CELF2: variants seen among roughly 807,000 people sequenced by gnomAD.
The protein encoded by CELF2 is CUG triplet repeat RNA-binding protein 2.
CELF2 carries 8 observed loss-of-function variants against 62.6 expected under a neutral mutation model. The observed-to-expected ratio is 0.13, with a 90% CI of 0.07 to 0.23. The LOEUF (loss-of-function observed/expected upper bound fraction) is 0.23. Among genes scored for constraint, CELF2 ranks in the 10% least tolerant of loss-of-function variants. CELF2 has a pLI of 1.00. For missense variants in CELF2, 333 were observed against 671.0 expected, an observed-to-expected ratio of 0.50 and a Z score of 5.56; for synonymous variants, 258 against 250.0, an observed-to-expected ratio of 1.03 and a Z score of -0.30.
At position 10,939,770 on chromosome 10, in the gene CELF2, C is replaced by A. The variant is rs192808012; in HGVS notation, c.89+19771C>A. On this transcript the variant is annotated intron_variant, in intron 2 of 13. Transcript: ENST00000636488. ...GAGATCGAGACCATCCTGGCTAACA[C>A]GGTGAAACCCCATCTCTACTAAAAA... Among the ~76,000 whole-genome samples the A allele has an allele frequency of 1.0e-3, 151 of 151,642 alleles. 2 individuals are homozygous for A. In the East Asian group the frequency reaches 0.027, roughly 27 times the overall value.
the CELF2 span, among the ~76,000 whole-genome samples, chr10:10,758,688 T>C: frequency 1.1e-4 from 17 of 152,326 alleles, no homozygotes; most frequent in South Asian, 3.5e-3. Flanking sequence ...CTTGGTGCCT[T>C]AATGGAAAAA....
chr10:10,966,278 C>T (rs77627009), intron 2 of CELF2, among the ~76,000 whole-genome samples: 3,493 of 152,322 alleles, frequency 0.023, 128 homozygotes, highest in African/African-American at 0.079. Context: ...TAGCTAGTGA[C>T]TGGGGAGACT....
chr10:10,479,661 C>A, the CELF2 span, among the ~76,000 whole-genome samples: 2 of 152,104 alleles, frequency 1.3e-5, no homozygotes, highest in African/African-American at 2.4e-5. Context: ...AGCTCTGGAA[C>A]CACACAGACC....
At chr10:10,614,616 G>A in the CELF2 span, among the ~76,000 whole-genome samples, 1 of 152,138 alleles carries the variant, frequency 6.6e-6, no homozygotes, top group African/African-American at 2.4e-5. Flanking sequence ...TGATGGAGTT[G>A]CTTATTCGCA....
intron 1 of CELF2, among the ~76,000 whole-genome samples, chr10:11,031,158 A>C (rs943428273): frequency 1.3e-5 from 2 of 152,326 alleles, no homozygotes; most frequent in African/African-American, 4.8e-5. Flanking sequence ...AATGGTTCTC[A>C]GGTGGCATTT....
At chr10:11,126,913 A>G (rs1472355539) in intron 1 of CELF2, among the ~76,000 whole-genome samples, 3 of 148,986 alleles carry the variant, frequency 2.0e-5, no homozygotes, top group Non-Finnish European at 4.5e-5. Context: ...TTTTTTTTTA[A>G]TACTTTAAGT....
At chr10:11,068,513 C>A (rs1248709313) in intron 1 of CELF2, among the ~76,000 whole-genome samples, 1 of 151,814 alleles carries the variant, frequency 6.6e-6, no homozygotes, top group African/African-American at 2.4e-5. Context: ...TAAATTTAAT[C>A]TTTCATAGAG....
the CELF2 span, among the ~76,000 whole-genome samples, chr10:10,710,695 G>T: frequency 1.3e-5 from 2 of 152,000 alleles, no homozygotes; most frequent in Admixed American, 6.6e-5. Flanking sequence ...AGCAGTAAGG[G>T]TCCCATCTGC....
the CELF2 span, among the ~76,000 whole-genome samples, chr10:10,612,976 T>G: frequency 6.6e-6 from 1 of 152,160 alleles, no homozygotes; most frequent in Non-Finnish European, 1.5e-5. Flanking sequence ...TTCATCCAGT[T>G]AGCATGAAGT....
rs1268452966 is a variant in CELF2 at position 11,296,468 on chromosome 10, A to G, written c.976+7916A>G. ...TGTATGATACAAACATGTTATCACCACTAGCACTGGTGAAAAGCATGTGTT... is the reference window on the plus strand; with the variant it reads ...TGTATGATACAAACATGTTATCACCGCTAGCACTGGTGAAAAGCATGTGTT... On this transcript the variant is annotated intron_variant, in intron 9 of 12. Coordinates refer to ENST00000633077, the MANE Select transcript of CELF2 (RefSeq NM_001326342.2). The surrounding 1 kb of genome is among the most constrained non-coding windows in gnomAD (Gnocchi z 5.0). Among the ~76,000 whole-genome samples, 1 of 152,202 alleles carries G rather than the reference A, an allele frequency of 6.6e-6. No homozygotes were observed. The highest frequency in any genetic ancestry group is 1.5e-5 in the Non-Finnish European group (1 of 68,042).
At position 11,316,570 on chromosome 10, in the gene CELF2, C is replaced by T. The variant is rs149045611; in HGVS notation, c.1096+2312C>T. On this transcript the variant is annotated intron_variant, in intron 10 of 12. Coordinates refer to ENST00000633077, the MANE Select transcript of CELF2 (RefSeq NM_001326342.2). This position sits in a 1 kb window ranked among gnomAD's most constrained non-coding sequence, Gnocchi z 4.4. ...CAAGCAGTGGTTACCTGGACAGAGTCAGCTTCTCAAATAGTTGACGGCAGC... is the reference window on the plus strand; with the variant it reads ...CAAGCAGTGGTTACCTGGACAGAGTTAGCTTCTCAAATAGTTGACGGCAGC... Among the ~76,000 whole-genome samples, 611 of 152,286 alleles carry T rather than the reference C, an allele frequency of 4.0e-3. 2 individuals carry two copies. Among genetic ancestry groups the T allele is most frequent in the African/African-American group, 0.014 (578 of 41,546 alleles).
chr10:10,685,267 G>A, the CELF2 span, among the ~76,000 whole-genome samples: 5 of 152,122 alleles, frequency 3.3e-5, no homozygotes, highest in Non-Finnish European at 5.9e-5. Flanking sequence ...ATGCAGCATC[G>A]TTCAACTGCA....
intron 4 of CELF2, among the ~76,000 whole-genome samples, chr10:11,252,907 A>G (rs1403514895): frequency 1.3e-5 from 2 of 152,212 alleles, no homozygotes; most frequent in Admixed American, 6.5e-5. Flanking sequence ...ATGGCGGGAC[A>G]GGCAGGGCTT....
the CELF2 span, among the ~76,000 whole-genome samples, chr10:10,531,980 G>C: frequency 6.6e-6 from 1 of 152,174 alleles, no homozygotes; most frequent in East Asian, 1.9e-4. Context: ...AAAACAATAA[G>C]TAGAGGATTG....
At chr10:10,810,909 G>T (rs1175523389) in intron 1 of CELF2, among the ~76,000 whole-genome samples, 2 of 152,200 alleles carry the variant, frequency 1.3e-5, no homozygotes, top group Admixed American at 1.3e-4. Flanking sequence ...AGGCATCAGG[G>T]AATGAATCCC....
intron 1 of CELF2, among the ~76,000 whole-genome samples, chr10:10,839,536 G>T (rs541869167): frequency 6.6e-6 from 1 of 152,216 alleles, no homozygotes; most frequent in Non-Finnish European, 1.5e-5. Flanking sequence ...CTACAGTGCA[G>T]TGCTTATGTA....
intron 1 of CELF2, among the ~76,000 whole-genome samples, chr10:11,130,401 A>G (rs1370721831): frequency 2.0e-5 from 3 of 152,186 alleles, no homozygotes; most frequent in Non-Finnish European, 2.9e-5. Context: ...AAGTCTTCAC[A>G]TGTTGCCCCT....
At chr10:11,005,194 G>C, upstream of CELF2, 4 of 1,445,074 alleles carry the variant, frequency 2.8e-6, no homozygotes, top group South Asian at 5.9e-5. This position sits in a 1 kb window ranked among gnomAD's most constrained non-coding sequence, Gnocchi z 4.3. Context: ...ATCTGCAGGA[G>C]CCCCCTTGCT....
chr10:11,039,070 C>G lies in CELF2; in HGVS notation c.74+20907C>G, dbSNP rs536046147. ...AGTATCCTGGACAAGTGTGCACACG[C>G]GCTTGCATCCACACCACTCTCATGG... On this transcript the variant is annotated intron_variant, in intron 1 of 12. Coordinates refer to ENST00000633077, the MANE Select transcript of CELF2 (RefSeq NM_001326342.2). This position sits in a 1 kb window ranked among gnomAD's most constrained non-coding sequence, Gnocchi z 4.1. Among the ~76,000 whole-genome samples, 1 of 152,194 alleles carries G rather than the reference C, an allele frequency of 6.6e-6. No individual in the cohort carries two copies. The highest frequency in any genetic ancestry group is 2.4e-5 in the African/African-American group (1 of 41,450).
Sources: gnomAD v4.1 joint callset for allele counts (sites outside exome capture counted in the v4.1 genomes callset) on GRCh38, gnomAD v4.1.1 for gene constraint, Gnocchi (gnomAD v3.1) non-coding constraint, MANE v1.5 for transcripts, NCBI Gene and HGNC (gene_info 2026-07-23, HGNC 2026-07-21) for gene names.